FAM193A: variants seen among roughly 807,000 people sequenced by gnomAD.
FAM193A encodes family with sequence similarity 193 member A, also known as protein FAM193A.
A neutral mutation model predicts 126.5 loss-of-function variants in FAM193A; 22 were observed. That is an observed-to-expected ratio of 0.17 (90% CI 0.12 to 0.25). The LOEUF (loss-of-function observed/expected upper bound fraction) is 0.25, where lower values mean the gene tolerates loss of function less well. Ranked by LOEUF, FAM193A falls within the 10% of genes least tolerant of loss-of-function variation. FAM193A has a pLI of 1.00. For missense variants in FAM193A, 1,675 were observed against 1,672.8 expected (o/e 1.00, Z -0.02); for synonymous variants, 761 against 646.8 (o/e 1.18, Z -2.68).
intron 17 of FAM193A, among the ~76,000 whole-genome samples, chr4:2,695,405 A>G (rs1012814115): frequency 2.0e-5 from 3 of 152,246 alleles, no homozygotes; most frequent in African/African-American, 7.2e-5. Flanking sequence ...TGGTGTATCC[A>G]TATGGTGGAA....
chr4:2,573,452 G>A (rs1739406877), intron 1 of FAM193A, among the ~76,000 whole-genome samples: 1 of 151,528 alleles, frequency 6.6e-6, no homozygotes, highest in Non-Finnish European at 1.5e-5. Flanking sequence ...GGCGGAGGTT[G>A]CAGTGAGCTG....
At chr4:2,598,706 CA>C (rs1741014001) in intron 2 of FAM193A, among the ~76,000 whole-genome samples, 1 of 152,212 alleles carries the variant, frequency 6.6e-6, no homozygotes, top group South Asian at 2.1e-4. Flanking sequence ...CAGAGAGCAT[CA>C]GGCTGAGGTT....
In FAM193A at chr4:2,601,115, G is replaced by A. The variant is rs117032224; in HGVS notation, c.501+4786G>A. Among the ~76,000 whole-genome samples, 37 of 151,898 alleles carry A rather than the reference G, an allele frequency of 2.4e-4. No homozygotes were observed. The East Asian group carries it at 5.4e-3, about 22-fold the overall frequency. On this transcript the variant is annotated intron_variant, in intron 2 of 20. Transcript: ENST00000637812. ...AGTCTGGGCAGCACAGTGAGACCCC[G>A]TCTCTTTTAAAACAAGAAAAATTGG...
At chr4:2,723,870 C>T (rs778838210) in intron 20 of FAM193A, among the ~76,000 whole-genome samples, 3 of 152,094 alleles carry the variant, frequency 2.0e-5, no homozygotes, top group East Asian at 3.9e-4. Flanking sequence ...GGTGCAATCA[C>T]GGCTCACTGC....
chr4:2,570,830 C>T (rs1471096747), intron 1 of FAM193A, among the ~76,000 whole-genome samples: 1 of 152,170 alleles, frequency 6.6e-6, no homozygotes, highest in Non-Finnish European at 1.5e-5. Context: ...GTATTTACTG[C>T]AAGTCTCACT....
At chr4:2,571,140 C>T (rs1253134992) in intron 1 of FAM193A, among the ~76,000 whole-genome samples, 1 of 152,212 alleles carries the variant, frequency 6.6e-6, no homozygotes, top group Non-Finnish European at 1.5e-5. Context: ...TTCCTCCTGG[C>T]AGCTTCCAAT....
At chr4:2,582,592 TTG>T (rs1226259522) in intron 1 of FAM193A, among the ~76,000 whole-genome samples, 1 of 143,864 alleles carries the variant, frequency 7.0e-6, no homozygotes, top group African/African-American at 3.0e-5. Flanking sequence ...AGGTGTTTTT[TTG>T]TTGTTGTTTT....
chr4:2,602,516 C>A (rs978333543), intron 2 of FAM193A, among the ~76,000 whole-genome samples: 8 of 151,826 alleles, frequency 5.3e-5, no homozygotes, highest in African/African-American at 1.9e-4. Flanking sequence ...ATCAACCCAG[C>A]TAATTTTTGC....
chr4:2,676,866 G>A (rs564869677), intron 13 of FAM193A, among the ~76,000 whole-genome samples: 93 of 152,220 alleles, frequency 6.1e-4, no homozygotes, highest in Non-Finnish European at 9.3e-4. Context: ...GCGTGAACCC[G>A]GAAGGTGGAG....
rs576462950 is a variant in FAM193A at position 2,556,437 on chromosome 4, C to G, written c.255+19267C>G. ...GCCAGGATGGTCTTGATCTCCTGACCTCATGATCTGCCTGCCTTGGCCTCC... is the reference window on the plus strand; with the variant it reads ...GCCAGGATGGTCTTGATCTCCTGACGTCATGATCTGCCTGCCTTGGCCTCC... On this transcript the variant is annotated intron_variant, in intron 1 of 20. Coordinates refer to ENST00000637812, the MANE Select transcript of FAM193A (RefSeq NM_001366318.2). Among the ~76,000 whole-genome samples the G allele has an allele frequency of 9.6e-4, 146 of 152,048 alleles. 1 individual carries two copies. Among genetic ancestry groups the G allele is most frequent in the African/African-American group, 3.4e-3 (143 of 41,470 alleles).
chr4:2,730,972 G>A (rs140430378), intron 20 of FAM193A, among the ~76,000 whole-genome samples: 2,692 of 152,072 alleles, frequency 0.018, 59 homozygotes, highest in African/African-American at 0.051. Context: ...CGAGGCAGGC[G>A]GATCACTTTA....
chr4:2,578,554 C>G (rs1490469744), intron 1 of FAM193A, among the ~76,000 whole-genome samples: 2 of 151,830 alleles, frequency 1.3e-5, no homozygotes, highest in African/African-American at 4.8e-5. Context: ...TTCAGTCATT[C>G]TTGTACTGTC....
chr4:2,680,778 A>T (rs1285339720), intron 13 of FAM193A, among the ~76,000 whole-genome samples: 3 of 151,868 alleles, frequency 2.0e-5, no homozygotes, highest in Non-Finnish European at 4.4e-5. Context: ...TATAGTTGGG[A>T]TTACAGGCGC....
rs1017470960 is a variant in FAM193A, at chr4:2,732,178, C to G, written c.*310C>G. 3.5e-5 allele frequency: 14 copies of G among 399,720 alleles called. No individual in the cohort carries two copies. Among genetic ancestry groups the G allele is most frequent in the African/African-American group, 8.2e-5 (4 of 49,002 alleles). 24.8% of individuals were successfully genotyped at this position (399,720 alleles called of 1,614,324 possible). On this transcript the variant is annotated 3_prime_UTR_variant, in exon 21 of 21. Transcript: ENST00000637812. The stretch of plus-strand genomic sequence containing the variant: ...GTGGCCAGATAGGAGTTTGCATCAT[C>G]CACGTGGCTCCGTTGCCTCTGCATT...
At chr4:2,550,279 C>G (rs1025477389) in intron 1 of FAM193A, among the ~76,000 whole-genome samples, 1 of 151,992 alleles carries the variant, frequency 6.6e-6, no homozygotes, top group Non-Finnish European at 1.5e-5. Flanking sequence ...CTCCTGGCCT[C>G]TAGTCATCTA....
chr4:2,585,412 C>T (rs777151838), intron 1 of FAM193A, among the ~76,000 whole-genome samples: 6 of 152,110 alleles, frequency 3.9e-5, no homozygotes, highest in Non-Finnish European at 8.8e-5. Flanking sequence ...TTTGTTTCAG[C>T]CTCTCTGGTG....
chr4:2,666,848 A>C (rs1035195540), intron 12 of FAM193A, among the ~76,000 whole-genome samples: 2 of 152,182 alleles, frequency 1.3e-5, no homozygotes, highest in African/African-American at 4.8e-5. Flanking sequence ...CAGTGATGCT[A>C]ATTCTTGATT....
chr4:2,609,723 A>C (rs923609891), intron 2 of FAM193A, among the ~76,000 whole-genome samples: 22 of 151,958 alleles, frequency 1.4e-4, no homozygotes, highest in African/African-American at 5.1e-4. Flanking sequence ...AGGTCAGGAG[A>C]TCGAGACCAT....
chr4:2,709,702 C>G (rs902334969), intron 19 of FAM193A, among the ~76,000 whole-genome samples: 20 of 150,650 alleles, frequency 1.3e-4, no homozygotes, highest in African/African-American at 5.0e-4. Flanking sequence ...GAGACTCCAC[C>G]TCAAAAACAA....
Sources: gnomAD v4.1 joint callset for allele counts (sites outside exome capture counted in the v4.1 genomes callset) on GRCh38, gnomAD v4.1.1 for gene constraint, MANE v1.5 for transcripts, NCBI Gene and HGNC (gene_info 2026-07-23, HGNC 2026-07-21) for gene names.